TUSC2: variants seen among roughly 807,000 people sequenced by gnomAD.
TUSC2 encodes tumor suppressor 2, mitochondrial calcium regulator, also known as tumor suppressor candidate 2.
In TUSC2, 7 loss-of-function variants were observed where a neutral mutation model predicts 11.5. The ratio of observed to expected loss-of-function variants is 0.61; its 90% confidence interval spans 0.35 to 1.14. TUSC2 has a LOEUF of 1.14. TUSC2 is among the 50% of genes most tolerant of loss of function. The probability of loss-of-function intolerance (pLI) is 0.03; values close to 1 mark genes in which losing one functional copy is unlikely to be tolerated. For synonymous variants in TUSC2, 61 were observed against 64.1 expected (o/e 0.95, Z 0.23); for missense variants, 132 against 155.0 (o/e 0.85, Z 0.79).
At position 50,326,413 on chromosome 3, in the gene TUSC2, T is replaced by G; in HGVS notation, c.211A>C (p.Lys71Gln). The G allele has an allele frequency of 6.2e-7, 1 of 1,614,008 alleles. No individual in the cohort carries two copies. Among genetic ancestry groups the G allele is most frequent in the Non-Finnish European group, 8.5e-7 (1 of 1,180,006 alleles). ...HEFYEETIVT[K>Q]NGQKRAKLRR... The stretch of plus-strand genomic sequence containing the variant: ...AGCTTGGCCCGCTTCTGCCCGTTCT[T>G]GGTGACGATTGTCTCCTCATAGAAC... The change falls in exon 2 of 3, where the codon AAG becomes CAG. Residue 71 changes from lysine to glutamine, a missense_variant. Physicochemically the swap from Lys to Gln is moderately conservative, Grantham distance 53. Around this residue, in one of 3 missense-constraint regions of TUSC2, gnomAD observed 65 missense variants for 94.0 expected, o/e 0.69. Transcript: ENST00000232496.
intron 1 of TUSC2, 68 bp downstream of exon 1, chr3:50,327,886 T>C (rs1553717559): frequency 2.2e-6 from 3 of 1,382,118 alleles, no homozygotes; most frequent in South Asian, 1.6e-5. Context: ...CGGTGGAAGT[T>C]CCCCCGTGGC....
chr3:50,326,153 C>A lies in TUSC2; in HGVS notation c.301G>T (p.Val101Leu), dbSNP rs140522021. The A allele has an allele frequency of 1.3e-6, 2 of 1,597,732 alleles. No individual in the cohort carries two copies. The highest frequency in any genetic ancestry group is 2.3e-5 in the East Asian group (1 of 44,280). Reference sequence around the variant, plus strand: ...TCATAGAGGATCACAGGGAAATCCACGTGGATGCGGGGGTGATCCAGCTTC... The same window carrying A: ...TCATAGAGGATCACAGGGAAATCCAAGTGGATGCGGGGGTGATCCAGCTTC... ...IVKLDHPRIH[V>L]DFPVILYEV The change falls in exon 3 of 3, where the codon GTG becomes TTG. Residue 101 changes from valine to leucine, a missense_variant. Physicochemically the swap from Val to Leu is conservative, Grantham distance 32 (BLOSUM62 1). Transcript: ENST00000232496.
At chr3:50,326,329 GCT>G in intron 2 of TUSC2, 26 bp downstream of exon 2, 1 of 1,613,524 alleles carries the variant, frequency 6.2e-7, no homozygotes, top group Non-Finnish European at 8.5e-7. Context: ...CTTAGTGTAG[GCT>G]CTGTGACCGC....
chr3:50,326,174 G>A lies in TUSC2; in HGVS notation c.280C>T (p.Leu94=). Residue 94 remains leucine, a synonymous_variant, in exon 3 of 3, where the codon CTG becomes TTG. Coordinates refer to ENST00000232496, the MANE Select transcript of TUSC2 (RefSeq NM_007275.3). ...TCCACGTGGATGCGGGGGTGATCCAGCTTCACGATGCCCTGCCATGGAAAC... is the reference window on the plus strand; with the variant it reads ...TCCACGTGGATGCGGGGGTGATCCAACTTCACGATGCCCTGCCATGGAAAC... ...KNLIPQGIVK[L]DHPRIHVDFP... The A allele has an allele frequency of 7.5e-6, 12 of 1,600,836 alleles. No homozygotes were observed. Among genetic ancestry groups the A allele is most frequent in the Non-Finnish European group, 8.5e-6 (10 of 1,173,814 alleles).
rs1437000403 is a variant in TUSC2 at position 50,325,225 on chromosome 3, C to A, written c.*896G>T. On this transcript the variant is annotated 3_prime_UTR_variant, in exon 3 of 3. Coordinates refer to ENST00000232496, the MANE Select transcript of TUSC2 (RefSeq NM_007275.3). The surrounding 1 kb of genome is among the most constrained non-coding windows in gnomAD (Gnocchi z 5.1). ...CTGTAAGGGAGGGGGTGGTAGGCTA[C>A]TCATAACTACTGGCACCAGCCTTAG... is the stretch of plus-strand genomic sequence containing the variant. 1 of 152,506 alleles carries A rather than the reference C, an allele frequency of 6.6e-6. No individual in the cohort carries two copies. The highest frequency in any genetic ancestry group is 2.4e-5 in the African/African-American group (1 of 41,408). 9.4% of individuals were successfully genotyped at this position (152,506 alleles called of 1,614,324 possible). A position where few individuals can be genotyped will look rare whatever the true frequency, so the allele number is the denominator to read the frequency against.
chr3:50,326,309 C>A (rs1553717387), intron 2 of TUSC2, 48 bp downstream of exon 2: 1 of 1,613,594 alleles, frequency 6.2e-7, no homozygotes, highest in Non-Finnish European at 8.5e-7. Context: ...TCTGGGTCCA[C>A]CTCCACACGC....
In TUSC2 at chr3:50,328,171, GC is replaced by G; in HGVS notation, c.-73del. The G allele has an allele frequency of 1.6e-6, 2 of 1,288,816 alleles. No individual in the cohort carries two copies. Among genetic ancestry groups the G allele is most frequent in the Non-Finnish European group, 2.0e-6 (2 of 1,016,016 alleles). 79.8% of individuals were successfully genotyped at this position (1,288,816 alleles called of 1,614,324 possible). A position where few individuals can be genotyped will look rare whatever the true frequency, so the allele number is the denominator to read the frequency against. On this transcript the variant is annotated 5_prime_UTR_variant, in exon 1 of 3. Coordinates refer to ENST00000232496, the MANE Select transcript of TUSC2 (RefSeq NM_007275.3). The stretch of plus-strand genomic sequence containing the variant: ...ACCGCAGTCCGCACTACCATAACCT[GC>G]CCCAGCCGCTGATCGCAGGTGCCGC...
intron 1 of TUSC2, chr3:50,327,033 C>A: frequency 2.5e-6 from 1 of 394,906 alleles, no homozygotes; most frequent in Non-Finnish European, 5.1e-6. Context: ...CACACCAGAG[C>A]ACACCATCCA....
chr3:50,326,093 G>A lies in TUSC2; in HGVS notation c.*28C>T, dbSNP rs200464873. On this transcript the variant is annotated 3_prime_UTR_variant, in exon 3 of 3. Transcript: ENST00000232496. ...CCTGGGAGTTTCTTGCCGGGGCAGG[G>A]GGTGCTTCTGTCTGCCACCTCCCAG... 5.8e-6 allele frequency: 9 copies of A among 1,565,052 alleles called. No individual in the cohort carries two copies. In the East Asian group the frequency reaches 1.9e-4, roughly 33 times the overall value.
rs1575534881 is a variant in TUSC2 at position 50,325,894 on chromosome 3, A to C, written c.*227T>G. The stretch of plus-strand genomic sequence containing the variant: ...GGTGGCTTGGGAGAGTGGGGTGCTA[A>C]CTCTGCCATTAGCCTTCACCACCCA... On this transcript the variant is annotated 3_prime_UTR_variant, in exon 3 of 3. Transcript: ENST00000232496. This position sits in a 1 kb window ranked among gnomAD's most constrained non-coding sequence, Gnocchi z 5.1. 1 of 599,170 alleles carries C rather than the reference A, an allele frequency of 1.7e-6. No homozygotes were observed. The highest frequency in any genetic ancestry group is 2.9e-5 in the Admixed American group (1 of 34,042). 37.1% of individuals were successfully genotyped at this position (599,170 alleles called of 1,614,324 possible).
chr3:50,327,865 G>A, intron 1 of TUSC2, 89 bp downstream of exon 1: 1 of 1,355,538 alleles, frequency 7.4e-7, no homozygotes. Flanking sequence ...CTTGGCTGTA[G>A]TGGGGTACAG....
rs1702816235 is a variant in TUSC2, at chr3:50,328,130, T to TGGCCGCTCTGCTCACACCGCA, written c.-52_-32dup. On this transcript the variant is annotated 5_prime_UTR_variant, in exon 1 of 3. Coordinates refer to ENST00000232496, the MANE Select transcript of TUSC2 (RefSeq NM_007275.3). ...GGCCGCCGGCGCATGGCGGGCCCCG[T>TGGCCGCTCTGCTCACACCGCA]GGCCGCTCTGCTCACACCGCAGTCC... is the stretch of plus-strand genomic sequence containing the variant. 18 of 1,363,354 alleles carry TGGCCGCTCTGCTCACACCGCA rather than the reference T, an allele frequency of 1.3e-5. No homozygotes were observed. Among genetic ancestry groups the TGGCCGCTCTGCTCACACCGCA allele is most frequent in the Non-Finnish European group, 1.7e-5 (18 of 1,060,168 alleles). 84.5% of individuals were successfully genotyped at this position (1,363,354 alleles called of 1,614,324 possible).
chr3:50,325,960 A>G lies in TUSC2; in HGVS notation c.*161T>C, dbSNP rs587774454. ...CCACACACAAACCAACACCCAACCA[A>G]TACTGTGGGACCGACCCGCTCACAG... On this transcript the variant is annotated 3_prime_UTR_variant, in exon 3 of 3. Transcript: ENST00000232496. This position sits in a 1 kb window ranked among gnomAD's most constrained non-coding sequence, Gnocchi z 5.1. 10 of 867,288 alleles carry G rather than the reference A, an allele frequency of 1.2e-5. No individual in the cohort carries two copies. The South Asian group carries it at 1.4e-4, about 12-fold the overall frequency. The allele number at this position is 867,288 out of a possible 1,614,324, so 53.7% of individuals were successfully genotyped here. A position where few individuals can be genotyped will look rare whatever the true frequency, so the allele number is the denominator to read the frequency against.
At chr3:50,327,723 C>A (rs1702807561) in intron 1 of TUSC2, among the ~76,000 whole-genome samples, 1 of 152,194 alleles carries the variant, frequency 6.6e-6, no homozygotes, top group South Asian at 2.1e-4. Flanking sequence ...TGCGGAAGGT[C>A]CGACCAGTGA....
In TUSC2 at chr3:50,326,191, C is replaced by T. The variant is rs782605822; in HGVS notation, c.268-5G>A. 25 of 1,603,820 alleles carry T rather than the reference C, an allele frequency of 1.6e-5. No individual in the cohort carries two copies. Among genetic ancestry groups the T allele is most frequent in the Non-Finnish European group, 2.1e-5 (25 of 1,175,266 alleles). On this transcript the variant is annotated splice_region_variant and splice_polypyrimidine_tract_variant and intron_variant, in intron 2 of 2. Transcript: ENST00000232496. ...GTGATCCAGCTTCACGATGCCCTGCCATGGAAACAGAGGCTAGTAAGGGTC... is the reference window on the plus strand; with the variant it reads ...GTGATCCAGCTTCACGATGCCCTGCTATGGAAACAGAGGCTAGTAAGGGTC...
chr3:50,325,935 C>T lies in TUSC2; in HGVS notation c.*186G>A. ...TCACCACCCACCAACCACCTCTTGT[C>T]CACACACAAACCAACACCCAACCAA... On this transcript the variant is annotated 3_prime_UTR_variant, in exon 3 of 3. Transcript: ENST00000232496. This position sits in a 1 kb window ranked among gnomAD's most constrained non-coding sequence, Gnocchi z 5.1. 1.4e-6 allele frequency: 1 copy of T among 721,104 alleles called. No individual in the cohort carries two copies. Among genetic ancestry groups the T allele is most frequent in the East Asian group, 2.7e-5 (1 of 36,500 alleles). 44.7% of individuals were successfully genotyped at this position (721,104 alleles called of 1,614,324 possible).
In TUSC2 at chr3:50,328,185, T is replaced by C. The variant is rs587663658; in HGVS notation, c.-86A>G. On this transcript the variant is annotated 5_prime_UTR_variant, in exon 1 of 3. Coordinates refer to ENST00000232496, the MANE Select transcript of TUSC2 (RefSeq NM_007275.3). Reference sequence around the variant, plus strand: ...TACCATAACCTGCCCCAGCCGCTGATCGCAGGTGCCGCCGCCGCCGCCTTC... The same window carrying C: ...TACCATAACCTGCCCCAGCCGCTGACCGCAGGTGCCGCCGCCGCCGCCTTC... 4.3e-5 allele frequency: 55 copies of C among 1,282,468 alleles called. No individual in the cohort carries two copies. In the African/African-American group the frequency reaches 7.9e-4, roughly 18 times the overall value. 79.4% of individuals were successfully genotyped at this position (1,282,468 alleles called of 1,614,324 possible).
Position 50,328,196 on chromosome 3 carries a change from G to T in TUSC2, c.-97C>A. The stretch of plus-strand genomic sequence containing the variant: ...GCCCCAGCCGCTGATCGCAGGTGCC[G>T]CCGCCGCCGCCTTCCGCAGGCTCGG... On this transcript the variant is annotated 5_prime_UTR_variant, in exon 1 of 3. Coordinates refer to ENST00000232496, the MANE Select transcript of TUSC2 (RefSeq NM_007275.3). 1 of 1,263,632 alleles carries T rather than the reference G, an allele frequency of 7.9e-7. No homozygotes were observed. Among genetic ancestry groups the T allele is most frequent in the Non-Finnish European group, 1.0e-6 (1 of 991,598 alleles). The allele number at this position is 1,263,632 out of a possible 1,614,324, so 78.3% of individuals were successfully genotyped here.
chr3:50,327,474 C>CT, intron 1 of TUSC2, among the ~76,000 whole-genome samples: 1 of 152,212 alleles, frequency 6.6e-6, no homozygotes, highest in African/African-American at 2.4e-5. Context: ...GGGTGAGGGT[C>CT]TTTTTTCCTC....
Sources: allele counts gnomAD v4.1 joint callset (sites outside exome capture counted in the v4.1 genomes callset), GRCh38; gene constraint gnomAD v4.1.1; regional missense constraint gnomAD v4.1.1; non-coding constraint Gnocchi (gnomAD v3.1); transcripts MANE v1.5; gene names NCBI Gene and HGNC (gene_info 2026-07-23, HGNC 2026-07-21).